MYO9A: variants seen among roughly 807,000 people sequenced by gnomAD.
The protein encoded by MYO9A is unconventional myosin-IXa.
In MYO9A, 103 loss-of-function variants were observed where a neutral mutation model predicts 293.3. The observed-to-expected ratio is 0.35, with a 90% CI of 0.30 to 0.41. MYO9A has a LOEUF of 0.41. Among genes scored for constraint, MYO9A ranks in the 10% least tolerant of loss-of-function variants. MYO9A has a pLI of 1.00. For missense variants in MYO9A, 2,685 were observed against 3,033.0 expected (o/e 0.89, Z 2.69); for synonymous variants, 1,001 against 1,035.7 (o/e 0.97, Z 0.64).
chr15:72,082,057 G>C (rs772232570), intron 1 of MYO9A, among the ~76,000 whole-genome samples: 1 of 151,930 alleles, frequency 6.6e-6, no homozygotes, highest in Non-Finnish European at 1.5e-5. Flanking sequence ...TTTTTTTCTA[G>C]ATCTATGAAG....
chr15:71,852,181 G>C lies in MYO9A; in HGVS notation c.6426C>G (p.Pro2142=), dbSNP rs142658957. 5,997 of 1,613,714 alleles carry C rather than the reference G, an allele frequency of 3.7e-3. 19 individuals are homozygous for C. Among genetic ancestry groups the C allele is most frequent in the Non-Finnish European group, 4.1e-3 (4,832 of 1,179,804 alleles). Residue 2142 remains proline, a synonymous_variant, in exon 36 of 42, where the codon CCC becomes CCG. Coordinates refer to ENST00000356056, the MANE Select transcript of MYO9A (RefSeq NM_006901.4). ...AGAGTTCAAAGGTCATGAGAGGATT[G>C]GGCAAATCTCGAAGCCATTGTTTGA... ...SVFKQWLRDL[P]NPLMTFELYE...
intron 18 of MYO9A, among the ~76,000 whole-genome samples, chr15:71,920,646 G>A (rs532576155): frequency 1.3e-5 from 2 of 152,062 alleles, no homozygotes; most frequent in South Asian, 2.1e-4. Context: ...GACTAAAATG[G>A]CTAATAAAAT....
At chr15:72,016,367 C>T (rs1303600549) in intron 6 of MYO9A, among the ~76,000 whole-genome samples, 1 of 152,152 alleles carries the variant, frequency 6.6e-6, no homozygotes, top group Non-Finnish European at 1.5e-5. Context: ...TGCAACACTG[C>T]TGTTTGTGCT....
At chr15:72,086,649 C>G (rs1440964188) in intron 1 of MYO9A, among the ~76,000 whole-genome samples, 1 of 151,406 alleles carries the variant, frequency 6.6e-6, no homozygotes, top group African/African-American at 2.4e-5. Flanking sequence ...GTTGGGGGGG[C>G]CGGGGCAGTG....
At position 71,904,059 on chromosome 15, in the gene MYO9A, G is replaced by A. The variant is rs1312060416; in HGVS notation, c.2767-20C>T. The A allele has an allele frequency of 2.6e-6, 4 of 1,562,488 alleles. No homozygotes were observed. Among genetic ancestry groups the A allele is most frequent in the African/African-American group, 1.4e-5 (1 of 74,034 alleles). On this transcript the variant is annotated intron_variant, in intron 20 of 41. Transcript: ENST00000356056. ...GGGCAGCTAAAGCAAATGGAAAAAA[G>A]ATTAACCCAGAACAGTAGATCTCCA...
chr15:71,835,072 C>T (rs2054885466), intron 39 of MYO9A, among the ~76,000 whole-genome samples: 1 of 152,010 alleles, frequency 6.6e-6, no homozygotes, highest in African/African-American at 2.4e-5. Context: ...TCAATACATG[C>T]AGTAAAGGCA....
At chr15:71,861,098 T>C (rs1037817989) in intron 33 of MYO9A, among the ~76,000 whole-genome samples, 7 of 151,334 alleles carry the variant, frequency 4.6e-5, no homozygotes, top group Admixed American at 4.6e-4. Flanking sequence ...CACTAAAGGG[T>C]CAAATACATT....
intron 29 of MYO9A, 67 bp from the exon 30 acceptor site, chr15:71,879,904 G>T (rs889869818): frequency 9.3e-7 from 1 of 1,074,020 alleles, no homozygotes; most frequent in Non-Finnish European, 1.4e-6. Context: ...ACAACAGTAG[G>T]CATGTATTGT....
chr15:71,861,518 TCTG>T (rs1259817489), intron 33 of MYO9A, among the ~76,000 whole-genome samples: 2 of 147,934 alleles, frequency 1.4e-5, no homozygotes, highest in Non-Finnish European at 3.0e-5. Context: ...TCTACTGTAA[TCTG>T]CTAAAAGGAT....
intron 1 of MYO9A, among the ~76,000 whole-genome samples, chr15:72,103,097 G>A (rs898573265): frequency 1.2e-4 from 18 of 147,056 alleles, no homozygotes; most frequent in Admixed American, 2.7e-4. Context: ...CTCCTCGGCT[G>A]AGGAAGGAGA....
intron 1 of MYO9A, among the ~76,000 whole-genome samples, chr15:72,069,322 A>T (rs1292170231): frequency 6.6e-6 from 1 of 152,182 alleles, no homozygotes; most frequent in Non-Finnish European, 1.5e-5. Context: ...CTACAATTGT[A>T]TATGTAATTG....
intron 12 of MYO9A, among the ~76,000 whole-genome samples, chr15:71,971,502 C>T (rs2076009750): frequency 6.6e-6 from 1 of 151,182 alleles, no homozygotes; most frequent in Non-Finnish European, 1.5e-5. Context: ...CGAGATCACT[C>T]GAGCCCATAA....
At chr15:71,870,507 C>G (rs1293059033) in intron 32 of MYO9A, among the ~76,000 whole-genome samples, 1 of 152,034 alleles carries the variant, frequency 6.6e-6, no homozygotes, top group Non-Finnish European at 1.5e-5. Context: ...AGATTTGGTA[C>G]TGATACAAGA....
rs1387593204 is a variant in MYO9A, at chr15:71,879,812, C to T, written c.5648G>A (p.Ser1883Asn). Residue 1883 changes from serine (S) to asparagine (N), a missense_variant, in exon 30 of 42, where the codon AGC becomes AAC. Ser to Asn is a conservative substitution (Grantham distance 46). Coordinates refer to ENST00000356056, the MANE Select transcript of MYO9A (RefSeq NM_006901.4). ...AACATCCACTAGTGTATCCTTCTTGCTGTCTTCATTATCTAGGTCATTCAC... is the reference window on the plus strand; with the variant it reads ...AACATCCACTAGTGTATCCTTCTTGTTGTCTTCATTATCTAGGTCATTCAC... ...KKVNDLDNED[S>N]KKDTLVDVVF... is the part of the protein sequence containing the mutation. 1.9e-6 allele frequency: 3 copies of T among 1,612,900 alleles called. No individual in the cohort carries two copies. The highest frequency in any genetic ancestry group is 2.2e-5 in the East Asian group (1 of 44,848).
intron 17 of MYO9A, among the ~76,000 whole-genome samples, chr15:71,934,245 A>G (rs555133705): frequency 6.6e-6 from 1 of 152,044 alleles, no homozygotes; most frequent in Non-Finnish European, 1.5e-5. Flanking sequence ...AAGAAGGAAT[A>G]AAGTCCAACG....
intron 1 of MYO9A, among the ~76,000 whole-genome samples, chr15:72,077,815 A>G (rs1461998850): frequency 1.3e-5 from 2 of 150,044 alleles, no homozygotes; most frequent in East Asian, 3.9e-4. Flanking sequence ...AATAACTCTT[A>G]AAACACAATA....
chr15:72,100,802 G>C (rs1215869427), intron 1 of MYO9A, among the ~76,000 whole-genome samples: 5 of 145,734 alleles, frequency 3.4e-5, no homozygotes, highest in African/African-American at 5.0e-5. Context: ...CTCTCCGCCC[G>C]GCAGCCACCC....
chr15:71,884,783 G>A (rs1248353604), intron 27 of MYO9A, among the ~76,000 whole-genome samples: 1 of 151,904 alleles, frequency 6.6e-6, no homozygotes, highest in Non-Finnish European at 1.5e-5. Context: ...TTTTGAGTAT[G>A]TACTAGGTGA....
intron 1 of MYO9A, among the ~76,000 whole-genome samples, chr15:72,099,294 G>A (rs1007667744): frequency 3.3e-5 from 5 of 152,068 alleles, no homozygotes; most frequent in African/African-American, 1.2e-4. Flanking sequence ...ACAAAAGTCA[G>A]CTAGGTGTAG....
Sources: gnomAD v4.1 joint callset for allele counts (sites outside exome capture counted in the v4.1 genomes callset) on GRCh38, gnomAD v4.1.1 for gene constraint, MANE v1.5 for transcripts, NCBI Gene and HGNC (gene_info 2026-07-23, HGNC 2026-07-21) for gene names.